The following TPRG1 variants were observed in gnomAD, a reference collection of about 807,000 sequenced individuals.
TPRG1 encodes the protein tumor protein p63-regulated gene 1 protein.
Under a neutral mutation model 29.3 loss-of-function variants are expected in TPRG1, and 29 were observed. The observed-to-expected ratio is 0.99, with a 90% confidence interval of 0.74 to 1.35. TPRG1 has a LOEUF of 1.35. TPRG1 is among the 40% of genes most tolerant of loss of function. TPRG1 has a pLI of 0.00. For missense variants in TPRG1, 327 were observed against 335.0 expected (o/e 0.98, Z 0.19); for synonymous variants, 130 against 116.8 (o/e 1.11, Z -0.73).
At chr3:189,171,076 T>G (rs770991889), upstream of TPRG1, among the ~76,000 whole-genome samples, 5 of 152,232 alleles carry the variant, frequency 3.3e-5, no homozygotes, top group Non-Finnish European at 7.3e-5. Flanking sequence ...AGTTCATACT[T>G]TATTTTATAC....
intron 5 of TPRG1, among the ~76,000 whole-genome samples, chr3:189,160,515 C>T (rs1727328885): frequency 1.3e-5 from 2 of 152,148 alleles, no homozygotes; most frequent in Admixed American, 1.3e-4. Flanking sequence ...CAGCCTGTCT[C>T]AGTTGTGCAA....
chr3:189,163,863 C>T (rs1289991476), intron 5 of TPRG1, among the ~76,000 whole-genome samples: 1 of 152,098 alleles, frequency 6.6e-6, no homozygotes, highest in Non-Finnish European at 1.5e-5. Context: ...AGGGCAGTCC[C>T]TGAGGCACGC....
At chr3:189,059,015 A>G (rs775069955) in intron 4 of TPRG1, among the ~76,000 whole-genome samples, 2 of 152,122 alleles carry the variant, frequency 1.3e-5, no homozygotes, top group Non-Finnish European at 2.9e-5. Flanking sequence ...TGAGGCTCCA[A>G]AAGTCATTAG....
intron 1 of TPRG1, among the ~76,000 whole-genome samples, chr3:189,178,485 C>T (rs569085468): frequency 6.6e-6 from 1 of 152,196 alleles, no homozygotes; most frequent in Non-Finnish European, 1.5e-5. Flanking sequence ...CGCCACTGCA[C>T]TCCAGCCTGG....
upstream of TPRG1, among the ~76,000 whole-genome samples, chr3:189,099,184 C>A (rs888971962): frequency 6.6e-6 from 1 of 152,162 alleles, no homozygotes; most frequent in Non-Finnish European, 1.5e-5. Flanking sequence ...GCTCCCCTAC[C>A]CCCACCATGG....
intron 1 of TPRG1, among the ~76,000 whole-genome samples, chr3:189,195,327 G>C (rs1391303122): frequency 6.6e-6 from 1 of 152,144 alleles, no homozygotes; most frequent in Non-Finnish European, 1.5e-5. Flanking sequence ...TTCCCAAGAG[G>C]CAGAGTCCTG....
At chr3:189,066,747 A>G (rs1716477948) in intron 4 of TPRG1, among the ~76,000 whole-genome samples, 9 of 152,108 alleles carry the variant, frequency 5.9e-5, no homozygotes, top group Admixed American at 5.9e-4. Flanking sequence ...AGCCTTTCAT[A>G]TTAGATCTGG....
intron 3 of TPRG1, among the ~76,000 whole-genome samples, chr3:189,221,602 G>T (rs949834741): frequency 2.0e-5 from 3 of 152,198 alleles, no homozygotes; most frequent in Non-Finnish European, 4.4e-5. Context: ...GAAAGATTCT[G>T]CAGAAGAAAG....
intron 4 of TPRG1, among the ~76,000 whole-genome samples, chr3:189,043,772 G>A (rs1049503924): frequency 5.9e-5 from 9 of 152,080 alleles, no homozygotes; most frequent in Non-Finnish European, 8.8e-5. Flanking sequence ...TTGAATCACT[G>A]TTTAAAACTA....
intron 5 of TPRG1, among the ~76,000 whole-genome samples, chr3:189,163,658 A>G (rs1234787739): frequency 6.6e-6 from 1 of 152,230 alleles, no homozygotes; most frequent in African/African-American, 2.4e-5. Context: ...AAAATTAAAG[A>G]TATGACTTTA....
chr3:189,171,867 C>T (rs1241038475), upstream of TPRG1: 1 of 152,254 alleles, frequency 6.6e-6, no homozygotes, highest in African/African-American at 2.4e-5. Context: ...AGAAAGGCCC[C>T]ACCCACAAAC....
At chr3:189,033,178 C>T (rs1714033865) in intron 4 of TPRG1, among the ~76,000 whole-genome samples, 1 of 151,992 alleles carries the variant, frequency 6.6e-6, no homozygotes, top group South Asian at 2.1e-4. Context: ...GAAATTTAGT[C>T]TTTGGGTAGC....
intron 4 of TPRG1, among the ~76,000 whole-genome samples, chr3:189,043,365 A>C (rs989198760): frequency 6.6e-6 from 1 of 152,148 alleles, no homozygotes; most frequent in Non-Finnish European, 1.5e-5. Flanking sequence ...GATGCTTTCA[A>C]CACTTCCACT....
In TPRG1 at chr3:189,019,284, G is replaced by C. The variant is rs540651684; in HGVS notation, c.-659-4466G>C. On this transcript the variant is annotated intron_variant, in intron 3 of 10. Transcript: ENST00000433971. Reference sequence around the variant, plus strand: ...CAACACTATGTTGAATAGGAGTCGTGAGAGAGGGCATCCCTGTCTTGTGCC... The same window carrying C: ...CAACACTATGTTGAATAGGAGTCGTCAGAGAGGGCATCCCTGTCTTGTGCC... Among the ~76,000 whole-genome samples the C allele has an allele frequency of 1.0e-3, 155 of 152,206 alleles. 1 individual carries two copies. Among genetic ancestry groups the C allele is most frequent in the South Asian group, 2.3e-3 (11 of 4,826 alleles).
intron 1 of TPRG1, among the ~76,000 whole-genome samples, chr3:189,113,789 G>A (rs893761332): frequency 1.4e-4 from 21 of 152,070 alleles, no homozygotes; most frequent in African/African-American, 3.1e-4. Flanking sequence ...GACGGGGGAC[G>A]GATAGCTTTA....
At chr3:189,022,898 C>CAGGTATAA (rs1713428549) in intron 3 of TPRG1, among the ~76,000 whole-genome samples, 1 of 152,238 alleles carries the variant, frequency 6.6e-6, no homozygotes, top group African/African-American at 2.4e-5. Flanking sequence ...GGGTAGGACC[C>CAGGTATAA]TCCGAGCCAG....
At chr3:189,020,687 C>T (rs1332906646) in intron 3 of TPRG1, among the ~76,000 whole-genome samples, 1 of 133,190 alleles carries the variant, frequency 7.5e-6, no homozygotes. Flanking sequence ...TGGTGTGGTG[C>T]TGAAAAAAAT....
chr3:189,262,555 G>A (rs1713306497), intron 4 of TPRG1, among the ~76,000 whole-genome samples: 1 of 152,266 alleles, frequency 6.6e-6, no homozygotes, highest in Non-Finnish European at 1.5e-5. Context: ...CAGTCATGGG[G>A]CAAGCAGACA....
intron 4 of TPRG1, among the ~76,000 whole-genome samples, chr3:189,088,694 A>G (rs964538747): frequency 4.6e-5 from 7 of 152,198 alleles, no homozygotes; most frequent in African/African-American, 1.2e-4. Flanking sequence ...ATCTACATTC[A>G]GAGAGCATTT....
Sources: gnomAD v4.1 joint callset for allele counts (sites outside exome capture counted in the v4.1 genomes callset) on GRCh38, gnomAD v4.1.1 for gene constraint, MANE v1.5 for transcripts, NCBI Gene and HGNC (gene_info 2026-07-23, HGNC 2026-07-21) for gene names.